Variants in SPART observed in about 807,000 individuals in gnomAD.
The protein encoded by SPART is spartin.
Under a neutral mutation model 58.7 loss-of-function variants are expected in SPART, and 35 were observed. The ratio of observed to expected loss-of-function variants is 0.60; its 90% confidence interval spans 0.46 to 0.79. The LOEUF is 0.79. SPART is among the 30% of genes least tolerant of loss of function. SPART has a pLI of 0.00. For synonymous variants in SPART, 284 were observed against 280.7 expected (o/e 1.01, Z -0.12); for missense variants, 730 against 786.1 (o/e 0.93, Z 0.85).
Position 36,304,239 on chromosome 13 carries a change from G to T in SPART, c.*126C>A. ...AAGACATGCCATAAAATTTATGAAA[G>T]TTAATTTGTAGGAATGAATACATTT... On this transcript the variant is annotated 3_prime_UTR_variant, in exon 9 of 9. Transcript: ENST00000438666. 8.6e-7 allele frequency: 1 copy of T among 1,160,994 alleles called. No homozygotes were observed. Among genetic ancestry groups the T allele is most frequent in the Non-Finnish European group, 1.3e-6 (1 of 795,836 alleles). The allele number at this position is 1,160,994 out of a possible 1,614,324, so 71.9% of individuals were successfully genotyped here.
chr13:36,309,510 C>G (rs1880872232), intron 8 of SPART, among the ~76,000 whole-genome samples: 1 of 151,976 alleles, frequency 6.6e-6, no homozygotes, highest in African/African-American at 2.4e-5. Flanking sequence ...GTGGACTGCA[C>G]AAAGAAAACA....
At chr13:36,350,622 C>T (rs199530875), upstream of SPART, among the ~76,000 whole-genome samples, 78 of 122,394 alleles carry the variant, frequency 6.4e-4, no homozygotes, top group Middle Eastern at 5.1e-3. Context: ...CTTTTCTCCC[C>T]TGTCTTTTTT....
At chr13:36,314,157 G>A in intron 6 of SPART, 70 bp downstream of exon 6, 3 of 1,440,512 alleles carry the variant, frequency 2.1e-6, no homozygotes, top group Non-Finnish European at 1.9e-6. Flanking sequence ...TGAACATGCA[G>A]ATTAACCCTG....
chr13:36,319,020 AC>A (rs1336332694), intron 5 of SPART, among the ~76,000 whole-genome samples: 1 of 151,956 alleles, frequency 6.6e-6, no homozygotes, highest in Non-Finnish European at 1.5e-5. Context: ...CTTAATCAAT[AC>A]GGAGGCTACC....
rs35914861 is a variant in SPART at position 36,312,033 on chromosome 13, C to G, written c.1733+112G>C. 0.27 allele frequency: 260,522 copies of G among 957,108 alleles called. 37,400 individuals are homozygous for G. The highest frequency in any genetic ancestry group is 0.5 in the East Asian group (18,953 of 38,148). 59.3% of individuals were successfully genotyped at this position (957,108 alleles called of 1,614,324 possible). The stretch of plus-strand genomic sequence containing the variant: ...ACCTGGGAGGTGGAGGTTGCAGTGA[C>G]CTAAGATCGCGCCATTGCACTCCAG... On this transcript the variant is annotated intron_variant, in intron 8 of 8. Transcript: ENST00000438666.
In SPART at chr13:36,315,726, T is replaced by A. The variant is rs1005385021; in HGVS notation, c.1289-1305A>T. Among the ~76,000 whole-genome samples the A allele has an allele frequency of 3.9e-5, 6 of 152,256 alleles. No individual in the cohort carries two copies. In the East Asian group the frequency reaches 1.2e-3, roughly 29 times the overall value. On this transcript the variant is annotated intron_variant, in intron 5 of 8. Coordinates refer to ENST00000438666, the MANE Select transcript of SPART (RefSeq NM_015087.5). ...AAGATGCCCATTTAAAAAAATTATCTTTTTAGATTAACTTATAGGTTGAAA... is the reference window on the plus strand; with the variant it reads ...AAGATGCCCATTTAAAAAAATTATCATTTTAGATTAACTTATAGGTTGAAA...
At chr13:36,369,986 C>A (rs991282395) in intron 1 of SPART, 13 of 152,234 alleles carry the variant, frequency 8.5e-5, no homozygotes, top group African/African-American at 3.1e-4. Flanking sequence ...AATAAAGCTC[C>A]TCCGGCCCCG....
Position 36,329,287 on chromosome 13 carries a change from G to T in SPART, c.1164+75C>A. 3 of 1,531,532 alleles carry T rather than the reference G, an allele frequency of 2.0e-6. No individual in the cohort carries two copies. The South Asian group carries it at 3.4e-5, about 17-fold the overall frequency. The allele number at this position is 1,531,532 out of a possible 1,614,324, so 94.9% of individuals were successfully genotyped here. A position where few individuals can be genotyped will look rare whatever the true frequency, so the allele number is the denominator to read the frequency against. ...GCTTTGCTTTAGTATATGGGAATAT[G>T]ATCATATAAATACATGAAACTGGAG... On this transcript the variant is annotated intron_variant, in intron 4 of 8. Transcript: ENST00000438666.
intron 1 of SPART, among the ~76,000 whole-genome samples, chr13:36,340,760 T>C (rs1884497666): frequency 6.6e-6 from 1 of 151,616 alleles, no homozygotes; most frequent in Non-Finnish European, 1.5e-5. Flanking sequence ...GAATACCTAA[T>C]GTGATTGTAA....
chr13:36,319,646 T>C (rs1882151916), intron 5 of SPART, among the ~76,000 whole-genome samples: 2 of 143,052 alleles, frequency 1.4e-5, no homozygotes, highest in African/African-American at 2.5e-5. Flanking sequence ...TATACTCTCA[T>C]ATCCTCAGTA....
intron 5 of SPART, chr13:36,325,851 T>C (rs1233173847): frequency 6.6e-6 from 1 of 152,384 alleles, no homozygotes; most frequent in African/African-American, 2.4e-5. Context: ...TGGATGAACA[T>C]GGTCTCATTT....
At chr13:36,362,514 T>C (rs1885905228) in intron 1 of SPART, among the ~76,000 whole-genome samples, 1 of 152,158 alleles carries the variant, frequency 6.6e-6, no homozygotes, top group East Asian at 1.9e-4. Context: ...GACTCAGTTA[T>C]TGAAAAAAGT....
chr13:36,333,396 C>G (rs887731785), intron 2 of SPART, among the ~76,000 whole-genome samples: 7 of 149,870 alleles, frequency 4.7e-5, no homozygotes, highest in Non-Finnish European at 1.0e-4. Flanking sequence ...CAGGAAATAT[C>G]TAACTTCTAG....
At position 36,354,472 on chromosome 13, in the gene SPART, C is replaced by A. The variant is rs151242310; in HGVS notation, c.-3+15617G>T. ...AGGTCAACCCTACAGGCACTGCATGCCTATAAGGTTGATCCCCAATAAAAA... is the reference window on the plus strand; with the variant it reads ...AGGTCAACCCTACAGGCACTGCATGACTATAAGGTTGATCCCCAATAAAAA... On this transcript the variant is annotated intron_variant, in intron 1 of 8. Coordinates refer to the SPART transcript ENST00000355182. Among the ~76,000 whole-genome samples, 1,037 of 152,216 alleles carry A rather than the reference C, an allele frequency of 6.8e-3. 11 individuals carry two copies. Among genetic ancestry groups the A allele is most frequent in the African/African-American group, 0.024 (1,007 of 41,512 alleles).
intron 1 of SPART, among the ~76,000 whole-genome samples, chr13:36,360,447 A>C (rs1285130486): frequency 6.6e-6 from 1 of 151,900 alleles, no homozygotes; most frequent in African/African-American, 2.4e-5. Flanking sequence ...TTTGGGGATT[A>C]GGTAACTAAT....
intron 1 of SPART, among the ~76,000 whole-genome samples, chr13:36,339,501 A>G (rs1884357457): frequency 1.3e-5 from 2 of 151,578 alleles, no homozygotes. Context: ...GCATCATGGC[A>G]TGCACCTGTA....
chr13:36,347,506 G>A (rs569635057), upstream of SPART, among the ~76,000 whole-genome samples: 4 of 152,180 alleles, frequency 2.6e-5, no homozygotes, highest in Non-Finnish European at 5.9e-5. Context: ...ACCTGCCTCA[G>A]TTTCCCAAAG....
chr13:36,343,593 G>A (rs958811654), intron 1 of SPART, among the ~76,000 whole-genome samples: 1 of 152,150 alleles, frequency 6.6e-6, no homozygotes, highest in Non-Finnish European at 1.5e-5. Flanking sequence ...TTATTTGGGG[G>A]TTCACAAGCA....
chr13:36,309,113 G>A (rs747401399), intron 8 of SPART, among the ~76,000 whole-genome samples: 22 of 151,900 alleles, frequency 1.4e-4, no homozygotes, highest in Non-Finnish European at 1.8e-4. Flanking sequence ...TCATGGTGGC[G>A]GACACCTGTA....
Sources: allele counts gnomAD v4.1 joint callset (sites outside exome capture counted in the v4.1 genomes callset), GRCh38; gene constraint gnomAD v4.1.1; transcripts MANE v1.5; gene names NCBI Gene and HGNC (gene_info 2026-07-23, HGNC 2026-07-21).